The following KDM4C variants were observed in gnomAD, a reference collection of about 807,000 sequenced individuals.
The protein encoded by KDM4C is lysine demethylase 4C.
KDM4C carries 81 observed loss-of-function variants against 129.3 expected under a neutral mutation model. The observed-to-expected ratio is 0.63, with a 90% CI of 0.52 to 0.75. The LOEUF (loss-of-function observed/expected upper bound fraction) is 0.75, where lower values mean the gene tolerates loss of function less well. Ranked by LOEUF, KDM4C falls within the 30% of genes least tolerant of loss-of-function variation. The probability of loss-of-function intolerance (pLI) is 0.00; values close to 1 mark genes in which losing one functional copy is unlikely to be tolerated. For synonymous variants in KDM4C, 573 were observed against 456.1 expected (o/e 1.26, Z -3.26); for missense variants, 1,457 against 1,304.0 (o/e 1.12, Z -1.81).
At chr9:6,835,051 A>C in intron 4 of KDM4C, 1 of 951,268 alleles carries the variant, frequency 1.1e-6, no homozygotes, top group Non-Finnish European at 1.7e-6. Context: ...CTACAGCTTC[A>C]CCACCACGGC....
intron 1 of KDM4C, among the ~76,000 whole-genome samples, chr9:6,786,661 A>G (rs1825559971): frequency 6.6e-6 from 1 of 152,232 alleles, no homozygotes; most frequent in Non-Finnish European, 1.5e-5. Context: ...GTTCAGAAAA[A>G]TAAAGGTAAA....
chr9:6,888,178 A>G, intron 7 of KDM4C, 115 bp downstream of exon 7: 3 of 484,222 alleles, frequency 6.2e-6, no homozygotes, highest in Non-Finnish European at 1.1e-5. Context: ...GAGAAATTCA[A>G]ATTTATGTTT....
At chr9:7,099,158 G>T (rs1001466386) in intron 17 of KDM4C, among the ~76,000 whole-genome samples, 1 of 151,300 alleles carries the variant, frequency 6.6e-6, no homozygotes, top group Non-Finnish European at 1.5e-5. Flanking sequence ...CAATTAAAAA[G>T]CATTCACACC....
chr9:7,025,794 A>G (rs1339766669), intron 15 of KDM4C, among the ~76,000 whole-genome samples: 3 of 152,228 alleles, frequency 2.0e-5, no homozygotes, highest in Non-Finnish European at 2.9e-5. Flanking sequence ...AGTATTTTAT[A>G]TATCACATTT....
At chr9:6,814,814 G>A in intron 4 of KDM4C, 69 bp downstream of exon 4, 1 of 912,124 alleles carries the variant, frequency 1.1e-6, no homozygotes, top group Non-Finnish European at 1.7e-6. Flanking sequence ...CATTTAAGCA[G>A]TTTAGAAGTG....
intron 15 of KDM4C, among the ~76,000 whole-genome samples, chr9:7,039,785 G>A (rs565413907): frequency 6.6e-6 from 1 of 152,190 alleles, no homozygotes; most frequent in South Asian, 2.1e-4. Context: ...TTATCTTCAT[G>A]TTGAGTAGGC....
chr9:7,126,699 T>A (rs1490632685), intron 18 of KDM4C, among the ~76,000 whole-genome samples: 7 of 152,288 alleles, frequency 4.6e-5, no homozygotes, highest in Admixed American at 3.9e-4. Flanking sequence ...TCAAAGATAC[T>A]CCTCTAATAA....
intron 17 of KDM4C, among the ~76,000 whole-genome samples, chr9:7,085,994 A>T (rs1835071452): frequency 6.6e-6 from 1 of 152,130 alleles, no homozygotes; most frequent in Non-Finnish European, 1.5e-5. Flanking sequence ...CGTGTCTACT[A>T]AAAATGCAAA....
intron 5 of KDM4C, among the ~76,000 whole-genome samples, chr9:6,854,247 G>C (rs957206486): frequency 1.3e-5 from 2 of 151,918 alleles, no homozygotes; most frequent in Non-Finnish European, 2.9e-5. Context: ...AGAAACTTTC[G>C]ACTGGGTGCG....
At chr9:7,107,946 C>T (rs1450168199) in intron 18 of KDM4C, among the ~76,000 whole-genome samples, 6 of 152,072 alleles carry the variant, frequency 3.9e-5, no homozygotes, top group African/African-American at 7.2e-5. Context: ...AATAATTATC[C>T]GATGCTAGGG....
At chr9:6,954,800 C>G (rs1191750946) in intron 8 of KDM4C, among the ~76,000 whole-genome samples, 1 of 152,212 alleles carries the variant, frequency 6.6e-6, no homozygotes, top group African/African-American at 2.4e-5. Flanking sequence ...TTCATGTACC[C>G]ACTCCCTATT....
chr9:6,999,030 C>A (rs1483035162), intron 12 of KDM4C, among the ~76,000 whole-genome samples: 1 of 152,150 alleles, frequency 6.6e-6, no homozygotes, highest in Non-Finnish European at 1.5e-5. Context: ...TTTTACTACA[C>A]AAGCTGGCTC....
intron 5 of KDM4C, among the ~76,000 whole-genome samples, chr9:6,863,083 G>C (rs563076921): frequency 6.6e-6 from 1 of 152,104 alleles, no homozygotes; most frequent in South Asian, 2.1e-4. Context: ...TGGGATATCT[G>C]TTACCTTAAA....
At chr9:7,076,440 CT>C (rs1564085949) in intron 17 of KDM4C, 3 of 1,549,300 alleles carry the variant, frequency 1.9e-6, no homozygotes, top group East Asian at 4.9e-5. Flanking sequence ...TCAGGGAAGG[CT>C]GGGAATCTAG....
In KDM4C at chr9:6,990,426, G is replaced by A; in HGVS notation, c.1688G>A (p.Gly563Glu). 1 of 1,610,334 alleles carries A rather than the reference G, an allele frequency of 6.2e-7. No individual in the cohort carries two copies. ...TTGTTCTATAACTAGATAGCAGAGGGAGAGAACAAAACCTCTAAGAGTTGG... is the reference window on the plus strand; with the variant it reads ...TTGTTCTATAACTAGATAGCAGAGGAAGAGAACAAAACCTCTAAGAGTTGG... ...NSFKVPSIAE[G>E]ENKTSKSWRH... is the part of the protein sequence containing the mutation. The change falls in exon 12 of 22, where the codon GGA becomes GAA. Residue 563 changes from glycine to glutamate, a missense_variant. Coordinates refer to ENST00000381309, the MANE Select transcript of KDM4C (RefSeq NM_015061.6).
chr9:6,733,531 C>A (rs1311302711), intron 1 of KDM4C, among the ~76,000 whole-genome samples: 1 of 152,192 alleles, frequency 6.6e-6, no homozygotes, highest in African/African-American at 2.4e-5. Context: ...TTGCGTTTGG[C>A]TTTTGGTATT....
chr9:6,969,161 C>G (rs1415051704), intron 8 of KDM4C, among the ~76,000 whole-genome samples: 1 of 152,182 alleles, frequency 6.6e-6, no homozygotes, highest in Non-Finnish European at 1.5e-5. Context: ...GTCTCGAACT[C>G]CTGACCTCAA....
intron 1 of KDM4C, among the ~76,000 whole-genome samples, chr9:6,767,165 G>A (rs1027348182): frequency 9.9e-5 from 15 of 151,844 alleles, no homozygotes; most frequent in Non-Finnish European, 2.1e-4. Context: ...TTGAGATGGA[G>A]TCTCGCTGTG....
At chr9:6,950,521 A>G (rs922875340) in intron 8 of KDM4C, among the ~76,000 whole-genome samples, 4 of 152,156 alleles carry the variant, frequency 2.6e-5, no homozygotes, top group African/African-American at 9.7e-5. Context: ...GTTAATATGG[A>G]TCCCTACTAA....
Sources: allele counts gnomAD v4.1 joint callset (sites outside exome capture counted in the v4.1 genomes callset), GRCh38; gene constraint gnomAD v4.1.1; transcripts MANE v1.5; gene names NCBI Gene and HGNC (gene_info 2026-07-23, HGNC 2026-07-21).